The following KCNG2 variants were observed in gnomAD, a reference collection of about 807,000 sequenced individuals.
The protein encoded by KCNG2 is voltage-gated potassium channel regulatory subunit KCNG2.
KCNG2 carries 7 observed loss-of-function variants against 12.3 expected under a neutral mutation model. The ratio of observed to expected loss-of-function variants is 0.57; its 90% confidence interval spans 0.32 to 1.07. The LOEUF is 1.07. Among genes scored for constraint, KCNG2 ranks in the 50% least tolerant of loss-of-function variants. The pLI is 0.04. For synonymous variants in KCNG2, 414 were observed against 351.4 expected, an observed-to-expected ratio of 1.18 and a Z score of -1.99; for missense variants, 703 against 726.0, an observed-to-expected ratio of 0.97 and a Z score of 0.36.
intron 1 of KCNG2, among the ~76,000 whole-genome samples, chr18:79,815,560 G>A (rs1243381442): frequency 2.0e-5 from 3 of 152,136 alleles, no homozygotes; most frequent in Non-Finnish European, 4.4e-5. Context: ...GATTCCTGAG[G>A]TCAGTGAAGG....
chr18:79,829,669 G>A (rs981203398), intron 1 of KCNG2, among the ~76,000 whole-genome samples: 1 of 151,956 alleles, frequency 6.6e-6, no homozygotes, highest in Non-Finnish European at 1.5e-5. Flanking sequence ...CTGCTTCCCT[G>A]TGTCCGGTGG....
intron 1 of KCNG2, among the ~76,000 whole-genome samples, chr18:79,849,499 C>T (rs1216921865): frequency 6.6e-6 from 1 of 152,250 alleles, no homozygotes; most frequent in African/African-American, 2.4e-5. Context: ...GGAGCCGCAT[C>T]TGGACAGGCC....
At chr18:79,855,681 C>T (rs1978984985) in intron 1 of KCNG2, among the ~76,000 whole-genome samples, 1 of 151,972 alleles carries the variant, frequency 6.6e-6, no homozygotes, top group Non-Finnish European at 1.5e-5. Flanking sequence ...GATCACCCTC[C>T]GTGGAGGGGA....
At chr18:79,848,230 T>G (rs957859641) in intron 1 of KCNG2, among the ~76,000 whole-genome samples, 6 of 152,182 alleles carry the variant, frequency 3.9e-5, no homozygotes, top group African/African-American at 1.4e-4. Flanking sequence ...AGGGTTTGCC[T>G]TTTGCTTGGA....
At chr18:79,826,199 G>A (rs1158093126) in intron 1 of KCNG2, among the ~76,000 whole-genome samples, 1 of 152,352 alleles carries the variant, frequency 6.6e-6, no homozygotes, top group East Asian at 1.9e-4. Flanking sequence ...GATCTGAGGC[G>A]CGAGGCCTCC....
rs1032838371 is a variant in KCNG2 at position 79,863,578 on chromosome 18, C to T, written c.-40-50C>T. ...CCCTGGATCCCCGCGGGCGGACGCG[C>T]TCCCCCAGCTCAGCCCTCGCGACCC... On this transcript the variant is annotated intron_variant, in intron 2 of 3. Coordinates refer to ENST00000316249, the MANE Select transcript of KCNG2 (RefSeq NM_012283.2). The T allele has an allele frequency of 1.5e-5, 17 of 1,136,242 alleles. No individual in the cohort carries two copies. In the Admixed American group the frequency reaches 3.3e-4, roughly 22 times the overall value. The allele number at this position is 1,136,242 out of a possible 1,614,324, so 70.4% of individuals were successfully genotyped here.
intron 1 of KCNG2, among the ~76,000 whole-genome samples, chr18:79,854,810 GC>G (rs1978955006): frequency 6.6e-6 from 1 of 152,154 alleles, no homozygotes; most frequent in African/African-American, 2.4e-5. Context: ...ACCGTGCCTG[GC>G]CTCATTGGCT....
intron 1 of KCNG2, among the ~76,000 whole-genome samples, chr18:79,826,408 C>T (rs1297181740): frequency 6.6e-6 from 1 of 152,230 alleles, no homozygotes; most frequent in Non-Finnish European, 1.5e-5. Context: ...CACGAAGCTT[C>T]ACAACTGAGC....
At chr18:79,826,778 G>C (rs967982778) in intron 1 of KCNG2, among the ~76,000 whole-genome samples, 1 of 148,916 alleles carries the variant, frequency 6.7e-6, no homozygotes, top group Non-Finnish European at 1.5e-5. Context: ...AGTTCGGCGC[G>C]TTACGTCATT....
Position 79,877,107 on chromosome 18 carries a change from T to G in KCNG2, c.624+12816T>G, listed in dbSNP as rs551271954. Among the ~76,000 whole-genome samples, 152 of 152,374 alleles carry G rather than the reference T, an allele frequency of 1.0e-3. 1 individual carries two copies. Among genetic ancestry groups the G allele is most frequent in the Non-Finnish European group, 1.9e-3 (126 of 68,032 alleles). ...GTTCCCTTACATAGATTTAATATTCTGCTTTTCTGTCTTCATTTGACGCAA... is the reference window on the plus strand; with the variant it reads ...GTTCCCTTACATAGATTTAATATTCGGCTTTTCTGTCTTCATTTGACGCAA... On this transcript the variant is annotated intron_variant, in intron 3 of 3. Coordinates refer to ENST00000316249, the MANE Select transcript of KCNG2 (RefSeq NM_012283.2).
intron 1 of KCNG2, among the ~76,000 whole-genome samples, chr18:79,849,645 C>T (rs1471035842): frequency 6.6e-6 from 1 of 152,244 alleles, no homozygotes; most frequent in African/African-American, 2.4e-5. Context: ...CCAGCGCGGA[C>T]GCTTGCCTTT....
intron 1 of KCNG2, among the ~76,000 whole-genome samples, chr18:79,799,833 T>A (rs2087393581): frequency 6.6e-6 from 1 of 151,966 alleles, no homozygotes; most frequent in Non-Finnish European, 1.5e-5. Context: ...CGAGCTATGA[T>A]TCGGGGTTTC....
At chr18:79,866,318 G>T (rs1979541973) in intron 3 of KCNG2, among the ~76,000 whole-genome samples, 1 of 137,138 alleles carries the variant, frequency 7.3e-6, no homozygotes, top group Non-Finnish European at 1.5e-5. Context: ...TGGGTGCTGA[G>T]GTCTGGGTGC....
intron 3 of KCNG2, among the ~76,000 whole-genome samples, chr18:79,868,603 C>T (rs928051300): frequency 6.6e-6 from 1 of 152,236 alleles, no homozygotes; most frequent in African/African-American, 2.4e-5. Flanking sequence ...GTAACAAAAC[C>T]GGAAGCCAGG....
In KCNG2 at chr18:79,828,945, G is replaced by C. The variant is rs548245659; in HGVS notation, c.-114-27434G>C. Among the ~76,000 whole-genome samples, 3 of 121,172 alleles carry C rather than the reference G, an allele frequency of 2.5e-5. No homozygotes were observed. In the South Asian group the frequency reaches 8.4e-4, roughly 34 times the overall value. The allele number at this position is 121,172 out of a possible 152,430, so 79.5% of individuals were successfully genotyped here. A position where few individuals can be genotyped will look rare whatever the true frequency, so the allele number is the denominator to read the frequency against. On this transcript the variant is annotated intron_variant, in intron 1 of 3. Coordinates refer to ENST00000316249, the MANE Select transcript of KCNG2 (RefSeq NM_012283.2). The stretch of plus-strand genomic sequence containing the variant: ...GTCTATGTGTGCGTGTGTGTAACGT[G>C]TCTGTGTGTGCATGTGTCTGTATGT...
chr18:79,865,391 G>GTGGGTGCTGAGAGGTC (rs1429714588), intron 3 of KCNG2, among the ~76,000 whole-genome samples: 1 of 132,722 alleles, frequency 7.5e-6, no homozygotes, highest in Non-Finnish European at 1.6e-5. Flanking sequence ...GTGCTGAGGT[G>GTGGGTGCTGAGAGGTC]TGGGTGCTGA....
chr18:79,854,355 A>G (rs1978932287), intron 1 of KCNG2, among the ~76,000 whole-genome samples: 1 of 152,098 alleles, frequency 6.6e-6, no homozygotes, highest in Non-Finnish European at 1.5e-5. Context: ...CCCATTCCCC[A>G]AGCTCGGCAT....
chr18:79,895,377 A>T, intron 3 of KCNG2, among the ~76,000 whole-genome samples: 1 of 151,340 alleles, frequency 6.6e-6, no homozygotes, highest in Non-Finnish European at 1.5e-5. Flanking sequence ...CACTCCATTC[A>T]TAATGATTGA....
chr18:79,881,069 C>T (rs1159618630), intron 3 of KCNG2, among the ~76,000 whole-genome samples: 1 of 152,236 alleles, frequency 6.6e-6, no homozygotes, highest in Non-Finnish European at 1.5e-5. Flanking sequence ...CTGCTCCCCA[C>T]TCCTCTTCAG....
Sources: allele counts gnomAD v4.1 joint callset (sites outside exome capture counted in the v4.1 genomes callset), GRCh38; gene constraint gnomAD v4.1.1; transcripts MANE v1.5; gene names NCBI Gene and HGNC (gene_info 2026-07-23, HGNC 2026-07-21).